DPYSL3: variants seen among roughly 807,000 people sequenced by gnomAD.
DPYSL3 encodes the protein dihydropyrimidinase-related protein 3.
Under a neutral mutation model 66.1 loss-of-function variants are expected in DPYSL3, and 16 were observed. That is an observed-to-expected ratio of 0.24 (90% CI 0.16 to 0.37). The LOEUF is 0.37. Among genes scored for constraint, DPYSL3 ranks in the 10% least tolerant of loss-of-function variants. The pLI is 1.00. For missense variants in DPYSL3, 738 were observed against 916.2 expected, an observed-to-expected ratio of 0.81 and a Z score of 2.51; for synonymous variants, 338 against 345.1, an observed-to-expected ratio of 0.98 and a Z score of 0.23.
rs1275011144 is a variant in DPYSL3 at position 147,509,666 on chromosome 5, G to A, written c.193C>T (p.Pro65Ser). 30 of 1,535,698 alleles carry A rather than the reference G, an allele frequency of 2.0e-5. No individual in the cohort carries two copies. Among genetic ancestry groups the A allele is most frequent in the African/African-American group, 2.7e-5 (2 of 73,038 alleles). The change falls in exon 1 of 14, where the codon CCT (proline) becomes TCT (serine). Residue 65 changes from proline (P) to serine (S), a missense_variant. Pro to Ser is a moderately conservative substitution (Grantham distance 74, BLOSUM62 -1). Coordinates refer to ENST00000343218, the MANE Select transcript of DPYSL3 (RefSeq NM_001197294.2). This position sits in a 1 kb window ranked among gnomAD's most constrained non-coding sequence, Gnocchi z 5.3. ...LSVGQRGAKT[P>S]RSGQGSDRGS... Reference sequence around the variant, plus strand: ...CGGTCGCTGCCCTGGCCGCTCCGAGGAGTCTTCGCGCCCCGCTGCCCCACG... The same window carrying A: ...CGGTCGCTGCCCTGGCCGCTCCGAGAAGTCTTCGCGCCCCGCTGCCCCACG...
rs1395127308 is a variant in DPYSL3, at chr5:147,453,741, G to A, written c.382-28778C>T. 4.6e-6 allele frequency: 6 copies of A among 1,314,138 alleles called. No homozygotes were observed. In the South Asian group the frequency reaches 6.4e-5, roughly 14 times the overall value. 81.4% of individuals were successfully genotyped at this position (1,314,138 alleles called of 1,614,324 possible). A position where few individuals can be genotyped will look rare whatever the true frequency, so the allele number is the denominator to read the frequency against. On this transcript the variant is annotated intron_variant, in intron 1 of 13. Coordinates refer to ENST00000343218, the MANE Select transcript of DPYSL3 (RefSeq NM_001197294.2). ...TCCGCCCGCCTCCGCCCCCCTCCCG[G>A]GCTCCCGCGGCGGCTGCCAGAGACA...
chr5:147,432,438 A>G (rs1752332048), intron 1 of DPYSL3, among the ~76,000 whole-genome samples: 1 of 152,180 alleles, frequency 6.6e-6, no homozygotes, highest in Non-Finnish European at 1.5e-5. Flanking sequence ...TAAAGATGTC[A>G]TTATCAAAGG....
intron 1 of DPYSL3, among the ~76,000 whole-genome samples, chr5:147,499,674 A>G (rs1753573238): frequency 6.6e-6 from 1 of 152,210 alleles, no homozygotes; most frequent in African/African-American, 2.4e-5. Flanking sequence ...TCAAGATTCT[A>G]GCACGTTGTT....
At position 147,418,521 on chromosome 5, in the gene DPYSL3, T is replaced by C. The variant is rs763117789; in HGVS notation, c.581A>G (p.Tyr194Cys). ...GTCATCTACTGTGGTCATTCCCTTATATGGCATCTGGAAGTGAGTATGGAC... is the reference window on the plus strand; with the variant it reads ...GTCATCTACTGTGGTCATTCCCTTACATGGCATCTGGAAGTGAGTATGGAC... ...IDVHTHFQMP[Y>C]KGMTTVDDFF... Residue 194 changes from tyrosine to cysteine, a missense_variant, in exon 3 of 14, where the codon TAT becomes TGT. By Grantham distance (194) the Tyr-to-Cys change is radical (BLOSUM62 -2). Transcript: ENST00000343218. 6 of 1,613,612 alleles carry C rather than the reference T, an allele frequency of 3.7e-6. No individual in the cohort carries two copies. The highest frequency in any genetic ancestry group is 1.1e-5 in the South Asian group (1 of 90,904).
intron 2 of DPYSL3, among the ~76,000 whole-genome samples, chr5:147,420,790 T>C (rs1196683539): frequency 6.6e-6 from 1 of 152,218 alleles, no homozygotes; most frequent in Non-Finnish European, 1.5e-5. Context: ...ACAACATCCT[T>C]GGCAAGTGGC....
At chr5:147,454,984 T>G (rs1276790839) in intron 1 of DPYSL3, among the ~76,000 whole-genome samples, 1 of 152,162 alleles carries the variant, frequency 6.6e-6, no homozygotes, top group Non-Finnish European at 1.5e-5. Flanking sequence ...TAAAACCCTT[T>G]GAAGACAATT....
chr5:147,403,286 C>T (rs1758244688), intron 8 of DPYSL3, among the ~76,000 whole-genome samples: 1 of 152,054 alleles, frequency 6.6e-6, no homozygotes, highest in South Asian at 2.1e-4. Flanking sequence ...CTAAAGGATA[C>T]AGGACCATAA....
rs1226513124 is a variant in DPYSL3 at position 147,493,761 on chromosome 5, A to G, written c.381+15717T>C. 2.0e-5 allele frequency among the ~76,000 whole-genome samples: 3 copies of G among 152,376 alleles called. No individual in the cohort carries two copies. In the East Asian group the frequency reaches 5.8e-4, roughly 29 times the overall value. ...AGATGAACTGTTCAACAAGAGAAGT[A>G]ACATTCCGGGGTATAAAACACATCT... On this transcript the variant is annotated intron_variant, in intron 1 of 13. Coordinates refer to ENST00000343218, the MANE Select transcript of DPYSL3 (RefSeq NM_001197294.2).
chr5:147,397,718 G>A lies in DPYSL3; in HGVS notation c.1751C>T (p.Pro584Leu), dbSNP rs532476363. The A allele has an allele frequency of 6.2e-7, 1 of 1,614,140 alleles. No individual in the cohort carries two copies. The highest frequency in any genetic ancestry group is 2.2e-5 in the East Asian group (1 of 44,872). ...HVTQGAGRFI[P>L]CSPFSDYVYK... is the part of the protein sequence containing the mutation. The stretch of plus-strand genomic sequence containing the variant: ...GACATAGTCGGAGAACGGGCTGCAG[G>A]GTATGAAGCGGCCAGCCCCCTGGGT... Residue 584 changes from proline (P) to leucine (L), a missense_variant, in exon 12 of 14, where the codon CCC (proline) becomes CTC (leucine). By Grantham distance (98) the Pro-to-Leu change is moderately conservative. Coordinates refer to ENST00000343218, the MANE Select transcript of DPYSL3 (RefSeq NM_001197294.2).
intron 3 of DPYSL3, among the ~76,000 whole-genome samples, chr5:147,417,514 G>A (rs1751993196): frequency 6.6e-6 from 1 of 152,174 alleles, no homozygotes. Context: ...TCAAAAGGAA[G>A]TAAAAGACAG....
chr5:147,402,224 G>A (rs955055466), intron 8 of DPYSL3, among the ~76,000 whole-genome samples: 3 of 152,176 alleles, frequency 2.0e-5, no homozygotes, highest in Non-Finnish European at 4.4e-5. Context: ...CCCACAGTAG[G>A]GGCCCAAAGT....
At chr5:147,416,797 A>C (rs1751980029) in intron 3 of DPYSL3, among the ~76,000 whole-genome samples, 1 of 152,234 alleles carries the variant, frequency 6.6e-6, no homozygotes, top group Admixed American at 6.5e-5. Context: ...ATCTAAGTGA[A>C]AAATTGGAAA....
At chr5:147,430,025 A>G (rs756107527) in intron 1 of DPYSL3, among the ~76,000 whole-genome samples, 8 of 152,206 alleles carry the variant, frequency 5.3e-5, no homozygotes, top group Non-Finnish European at 1.2e-4. Context: ...TTCCTTCACT[A>G]GGGTATGATA....
intron 1 of DPYSL3, among the ~76,000 whole-genome samples, chr5:147,463,303 G>A (rs1023831001): frequency 6.6e-6 from 1 of 152,122 alleles, no homozygotes; most frequent in African/African-American, 2.4e-5. Context: ...GAGTGGTGCT[G>A]AAAGACAACA....
At chr5:147,398,572 T>C (rs1337912560) in intron 11 of DPYSL3, among the ~76,000 whole-genome samples, 1 of 152,238 alleles carries the variant, frequency 6.6e-6, no homozygotes, top group Non-Finnish European at 1.5e-5. Flanking sequence ...TTCTGTTAGG[T>C]ACTGCACTTT....
At chr5:147,432,660 CA>C (rs1156443638) in intron 1 of DPYSL3, among the ~76,000 whole-genome samples, 1 of 152,188 alleles carries the variant, frequency 6.6e-6, no homozygotes, top group African/African-American at 2.4e-5. Context: ...ATTCCATTCT[CA>C]ACGAGAAAGG....
At chr5:147,428,390 T>C (rs1245403714) in intron 1 of DPYSL3, among the ~76,000 whole-genome samples, 1 of 152,076 alleles carries the variant, frequency 6.6e-6, no homozygotes, top group African/African-American at 2.4e-5. Context: ...ACTCTTTCCA[T>C]GGAAGGGGGA....
Position 147,510,013 on chromosome 5 carries a change from C to T in DPYSL3, c.-155G>A, listed in dbSNP as rs1753737605. Reference sequence around the variant, plus strand: ...AGTGCTGCTCCGATTCCTGCTTGTCCCTAGCGAGCCAGCGAGCCACACAGC... The same window carrying T: ...AGTGCTGCTCCGATTCCTGCTTGTCTCTAGCGAGCCAGCGAGCCACACAGC... On this transcript the variant is annotated 5_prime_UTR_variant, in exon 1 of 14. Coordinates refer to ENST00000343218, the MANE Select transcript of DPYSL3 (RefSeq NM_001197294.2). 7.9e-7 allele frequency: 1 copy of T among 1,263,864 alleles called. No homozygotes were observed. 78.3% of individuals were successfully genotyped at this position (1,263,864 alleles called of 1,614,324 possible).
intron 1 of DPYSL3, among the ~76,000 whole-genome samples, chr5:147,454,452 G>T (rs1461680396): frequency 6.6e-6 from 1 of 152,214 alleles, no homozygotes; most frequent in Non-Finnish European, 1.5e-5. Context: ...GAGGCTGCAA[G>T]GGGCACGGTA....
Sources: gnomAD v4.1 joint callset for allele counts (sites outside exome capture counted in the v4.1 genomes callset) on GRCh38, gnomAD v4.1.1 for gene constraint, Gnocchi (gnomAD v3.1) non-coding constraint, MANE v1.5 for transcripts, NCBI Gene and HGNC (gene_info 2026-07-23, HGNC 2026-07-21) for gene names.